Variants in GRID2 observed in about 807,000 individuals in gnomAD.
The protein encoded by GRID2 is glutamate receptor ionotropic, delta-2.
GRID2 carries 33 observed loss-of-function variants against 114.8 expected under a neutral mutation model. That is an observed-to-expected ratio of 0.29 (90% CI 0.22 to 0.38). The LOEUF (loss-of-function observed/expected upper bound fraction) is 0.38, where lower values mean the gene tolerates loss of function less well. GRID2 is among the 10% of genes least tolerant of loss of function. GRID2 has a pLI of 1.00. For missense variants in GRID2, 1,184 were observed against 1,257.7 expected, an observed-to-expected ratio of 0.94 and a Z score of 0.89; for synonymous variants, 505 against 449.9, an observed-to-expected ratio of 1.12 and a Z score of -1.55.
chr4:93,501,530 A>C (rs541484964), intron 12 of GRID2, among the ~76,000 whole-genome samples: 11 of 152,210 alleles, frequency 7.2e-5, no homozygotes, highest in Admixed American at 2.0e-4. Flanking sequence ...TTGTCCTAGC[A>C]CTTAAGTACT....
At chr4:92,948,067 A>C (rs957516429) in intron 2 of GRID2, among the ~76,000 whole-genome samples, 1 of 151,886 alleles carries the variant, frequency 6.6e-6, no homozygotes, top group Non-Finnish European at 1.5e-5. Flanking sequence ...GAAATTGCCA[A>C]GTTAAAGTGT....
In GRID2 at chr4:93,593,750, G is replaced by A. The variant is rs191838972; in HGVS notation, c.2194-32519G>A. ...CCCATATTTCCTGGAGGCTTTGCTCGTTTCTTTTTATTGTTTTTTCTCTAA... is the reference window on the plus strand; with the variant it reads ...CCCATATTTCCTGGAGGCTTTGCTCATTTCTTTTTATTGTTTTTTCTCTAA... On this transcript the variant is annotated intron_variant, in intron 13 of 15. Transcript: ENST00000282020. Among the ~76,000 whole-genome samples, 755 of 152,122 alleles carry A rather than the reference G, an allele frequency of 5.0e-3. 5 individuals are homozygous for A. The highest frequency in any genetic ancestry group is 0.034 in the East Asian group (177 of 5,158).
chr4:93,293,852 A>G (rs72874931), intron 8 of GRID2, among the ~76,000 whole-genome samples: 2,639 of 152,300 alleles, frequency 0.017, 82 homozygotes, highest in African/African-American at 0.06. Context: ...CAGGCACTGT[A>G]CTAGACCCCA....
At chr4:93,424,109 G>A (rs935565704) in intron 10 of GRID2, among the ~76,000 whole-genome samples, 1 of 150,472 alleles carries the variant, frequency 6.6e-6, no homozygotes, top group Non-Finnish European at 1.5e-5. Context: ...AATTTTATTT[G>A]TACTCACTCC....
chr4:93,404,027 G>A (rs1204742726), intron 9 of GRID2, among the ~76,000 whole-genome samples: 1 of 152,086 alleles, frequency 6.6e-6, no homozygotes, highest in Admixed American at 6.6e-5. Context: ...CCATAAAATG[G>A]AATATTATTT....
chr4:93,556,894 T>C (rs1404394137), intron 13 of GRID2, among the ~76,000 whole-genome samples: 3 of 152,202 alleles, frequency 2.0e-5, no homozygotes, highest in Non-Finnish European at 4.4e-5. Flanking sequence ...AGCAGATCTC[T>C]CTGCAGAAAT....
At chr4:93,406,411 A>T (rs1766423895) in intron 9 of GRID2, among the ~76,000 whole-genome samples, 1 of 152,146 alleles carries the variant, frequency 6.6e-6, no homozygotes, top group Non-Finnish European at 1.5e-5. Flanking sequence ...GAGAAAGCTG[A>T]TGTGGTTGGC....
intron 1 of GRID2, among the ~76,000 whole-genome samples, chr4:92,528,210 A>G (rs1725137838): frequency 1.3e-5 from 2 of 151,590 alleles, no homozygotes; most frequent in Non-Finnish European, 2.9e-5. Flanking sequence ...TGGAAAAGAT[A>G]ACAAAATAAG....
rs548425870 is a variant in GRID2 at position 93,366,338 on chromosome 4, G to A, written c.1246-29269G>A. On this transcript the variant is annotated intron_variant, in intron 8 of 15. Transcript: ENST00000282020. ...TCTCTAAACTGGCACCCCTGGGCAT[G>A]GTCATCTCTTATGGTCGAGACTGCA... 5.9e-5 allele frequency among the ~76,000 whole-genome samples: 9 copies of A among 152,114 alleles called. No individual in the cohort carries two copies. In the East Asian group the frequency reaches 1.6e-3, roughly 26 times the overall value.
chr4:93,214,261 C>T (rs1743926088), intron 5 of GRID2, among the ~76,000 whole-genome samples: 1 of 151,926 alleles, frequency 6.6e-6, no homozygotes, highest in Non-Finnish European at 1.5e-5. Flanking sequence ...AAATTCAGAG[C>T]ATTAGGATAA....
intron 8 of GRID2, among the ~76,000 whole-genome samples, chr4:93,270,215 T>TACACACACACACACACAC (rs34945534): frequency 2.2e-5 from 3 of 137,088 alleles, no homozygotes; most frequent in African/African-American, 7.7e-5. Flanking sequence ...CACACACACA[T>TACACACACACACACACAC]ACACACACAC....
intron 2 of GRID2, among the ~76,000 whole-genome samples, chr4:92,876,456 C>T (rs1462824255): frequency 1.3e-5 from 2 of 152,006 alleles, no homozygotes; most frequent in African/African-American, 4.8e-5. Context: ...AGGTGCCTGC[C>T]ACCACACCTG....
intron 2 of GRID2, among the ~76,000 whole-genome samples, chr4:92,655,786 T>C (rs940795493): frequency 3.3e-5 from 5 of 151,888 alleles, no homozygotes; most frequent in Non-Finnish European, 7.4e-5. Flanking sequence ...TAAGATCATG[T>C]CATCTACAAA....
intron 8 of GRID2, among the ~76,000 whole-genome samples, chr4:93,253,197 A>C (rs1195707937): frequency 1.3e-5 from 2 of 151,930 alleles, no homozygotes; most frequent in African/African-American, 4.8e-5. Context: ...TGGAGCTTGC[A>C]GTGAGCTGAG....
intron 13 of GRID2, among the ~76,000 whole-genome samples, chr4:93,601,179 G>T (rs1401945819): frequency 6.6e-6 from 1 of 152,186 alleles, no homozygotes; most frequent in Non-Finnish European, 1.5e-5. Context: ...TGGTTGTACT[G>T]TGTGATTTGA....
At chr4:93,060,176 C>G (rs1046904597) in intron 2 of GRID2, among the ~76,000 whole-genome samples, 41 of 152,286 alleles carry the variant, frequency 2.7e-4, no homozygotes, top group African/African-American at 8.9e-4. Flanking sequence ...GCATTTTAGA[C>G]TCCCCAGTTA....
At chr4:93,508,292 G>T (rs933499487) in intron 12 of GRID2, among the ~76,000 whole-genome samples, 1 of 151,174 alleles carries the variant, frequency 6.6e-6, no homozygotes, top group Non-Finnish European at 1.5e-5. Flanking sequence ...CTGCCTCCGG[G>T]TTCAAGCGAT....
At chr4:92,596,517 A>G (rs1193840691) in intron 2 of GRID2, among the ~76,000 whole-genome samples, 2 of 152,054 alleles carry the variant, frequency 1.3e-5, no homozygotes, top group Non-Finnish European at 2.9e-5. Flanking sequence ...TCCTTTCCCC[A>G]GCAATCTCCT....
intron 2 of GRID2, among the ~76,000 whole-genome samples, chr4:92,634,747 CTTTTTTTTTTT>C (rs3077529): frequency 8.3e-6 from 1 of 121,202 alleles, no homozygotes; most frequent in African/African-American, 3.1e-5. Context: ...TTTTTTTTTT[CTTTTTTTTTTT>C]TTTTCAGACA....
Sources: allele counts gnomAD v4.1 joint callset (sites outside exome capture counted in the v4.1 genomes callset), GRCh38; gene constraint gnomAD v4.1.1; transcripts MANE v1.5; gene names NCBI Gene and HGNC (gene_info 2026-07-23, HGNC 2026-07-21).